Variants in SPMIP9 observed in about 807,000 individuals in gnomAD.
The protein encoded by SPMIP9 is protein SPMIP9.
chr2:88,528,139 T>A, the SPMIP9 span, among the ~76,000 whole-genome samples: 1 of 91,302 alleles, frequency 1.1e-5, no homozygotes, highest in Non-Finnish European at 2.5e-5. Context: ...GCATTTTCCC[T>A]TTTTTTTTTT....
the SPMIP9 span, among the ~76,000 whole-genome samples, chr2:88,525,144 T>C: frequency 1.3e-5 from 2 of 152,112 alleles, no homozygotes; most frequent in Non-Finnish European, 2.9e-5. Context: ...CAGAGGAACA[T>C]GTGAGCTGGA....
At chr2:88,526,614 C>T in the SPMIP9 span, 3 of 769,606 alleles carry the variant, frequency 3.9e-6, no homozygotes. Flanking sequence ...TATCCAATGC[C>T]AGGAGATATG....
At chr2:88,525,081 T>G in the SPMIP9 span, among the ~76,000 whole-genome samples, 1 of 152,170 alleles carries the variant, frequency 6.6e-6, no homozygotes, top group Non-Finnish European at 1.5e-5. Context: ...AAGGTGGCTC[T>G]GAGTCCTAGG....
At chr2:88,525,736 G>T in the SPMIP9 span, 1 of 1,523,720 alleles carries the variant, frequency 6.6e-7, no homozygotes, top group Non-Finnish European at 9.1e-7. Context: ...GCAAGGCCCT[G>T]GAAGGGCCAG....
At chr2:88,527,254 C>T in the SPMIP9 span, among the ~76,000 whole-genome samples, 1 of 151,934 alleles carries the variant, frequency 6.6e-6, no homozygotes, top group African/African-American at 2.4e-5. Flanking sequence ...GGAGTTGAGA[C>T]CAGGGGTTTG....
At chr2:88,525,991 C>T in the SPMIP9 span, among the ~76,000 whole-genome samples, 1 of 152,124 alleles carries the variant, frequency 6.6e-6, no homozygotes, top group African/African-American at 2.4e-5. Flanking sequence ...AAATCCATCA[C>T]AGTACACCCT....
the SPMIP9 span, chr2:88,525,641 T>G: frequency 6.2e-7 from 1 of 1,614,208 alleles, no homozygotes; most frequent in Non-Finnish European, 8.5e-7. Flanking sequence ...CTAGGTCGTT[T>G]GCCATGGCAG....
chr2:88,525,336 C>T, the SPMIP9 span, among the ~76,000 whole-genome samples: 3 of 152,210 alleles, frequency 2.0e-5, 1 homozygote, highest in Admixed American at 2.0e-4. Context: ...CATTTACCAG[C>T]ACTTCACTTG....
the SPMIP9 span, chr2:88,526,366 C>T: frequency 4.7e-6 from 7 of 1,500,806 alleles, no homozygotes; most frequent in Non-Finnish European, 4.6e-6. Flanking sequence ...GGAGGAGTGA[C>T]GAGGGAATCT....
At chr2:88,525,540 G>A in the SPMIP9 span, 1 of 1,359,752 alleles carries the variant, frequency 7.4e-7, no homozygotes, top group Non-Finnish European at 1.1e-6. Context: ...GGCTAAGAAA[G>A]CTGGGGCAGC....
At chr2:88,527,987 A>G in the SPMIP9 span, among the ~76,000 whole-genome samples, 1 of 152,182 alleles carries the variant, frequency 6.6e-6, no homozygotes, top group Non-Finnish European at 1.5e-5. Context: ...TCATTTCACT[A>G]ACAATGAGGT....
At chr2:88,528,995 G>A in the SPMIP9 span, 10 of 1,539,874 alleles carry the variant, frequency 6.5e-6, no homozygotes, top group African/African-American at 9.7e-5. Context: ...TCCAAGAAAA[G>A]CTACATCATC....
the SPMIP9 span, among the ~76,000 whole-genome samples, chr2:88,527,305 C>G: frequency 1.3e-5 from 2 of 152,050 alleles, no homozygotes; most frequent in South Asian, 2.1e-4. Flanking sequence ...ACCAGCCTGG[C>G]TGACATGGCG....
the SPMIP9 span, among the ~76,000 whole-genome samples, chr2:88,525,036 C>T: frequency 7.9e-5 from 12 of 152,146 alleles, no homozygotes; most frequent in Admixed American, 7.9e-4. Flanking sequence ...CAGAGTCTTG[C>T]AACTTTCTTC....
chr2:88,529,096 G>T, the SPMIP9 span: 2 of 1,614,080 alleles, frequency 1.2e-6, no homozygotes, highest in Non-Finnish European at 1.7e-6. Context: ...AGTTTTACAG[G>T]CCCATCCCTA....
At chr2:88,526,314 T>C in the SPMIP9 span, 2 of 1,050,128 alleles carry the variant, frequency 1.9e-6, no homozygotes, top group Non-Finnish European at 3.0e-6. Context: ...AAAGTCGGCC[T>C]TTGTCCTACA....
At chr2:88,528,628 A>G in the SPMIP9 span, among the ~76,000 whole-genome samples, 2 of 152,208 alleles carry the variant, frequency 1.3e-5, no homozygotes, top group Non-Finnish European at 1.5e-5. Flanking sequence ...AGGTTTCCCC[A>G]CTAAAAAAAG....
At chr2:88,525,566 C>T in the SPMIP9 span, 37 of 1,574,896 alleles carry the variant, frequency 2.3e-5, no homozygotes, top group Non-Finnish European at 3.2e-5. Context: ...TTGGTTGGCA[C>T]AGCTTGAAGA....
the SPMIP9 span, chr2:88,528,970 T>C: frequency 2.2e-6 from 3 of 1,393,972 alleles, no homozygotes; most frequent in Non-Finnish European, 2.9e-6. Context: ...AAGGGTGTGC[T>C]CTGTCTTGGA....
Sources: gnomAD v4.1 joint callset for allele counts (sites outside exome capture counted in the v4.1 genomes callset) on GRCh38, gnomAD v4.1.1 for gene constraint, MANE v1.5 for transcripts, NCBI Gene and HGNC (gene_info 2026-07-23, HGNC 2026-07-21) for gene names.